EPAS1: variants seen among roughly 807,000 people sequenced by gnomAD.
EPAS1 encodes endothelial PAS domain-containing protein 1.
EPAS1 carries 23 observed loss-of-function variants against 87.9 expected under a neutral mutation model. The observed-to-expected ratio is 0.26, with a 90% CI of 0.19 to 0.37. The LOEUF (loss-of-function observed/expected upper bound fraction) is 0.37, where lower values mean the gene tolerates loss of function less well. Ranked by LOEUF, EPAS1 falls within the 10% of genes least tolerant of loss-of-function variation. The pLI is 1.00. For synonymous variants in EPAS1, 508 were observed against 444.3 expected, an observed-to-expected ratio of 1.14 and a Z score of -1.80; for missense variants, 1,138 against 1,120.7, an observed-to-expected ratio of 1.02 and a Z score of -0.22.
chr2:46,367,991 G>T (rs148074641), intron 6 of EPAS1, among the ~76,000 whole-genome samples: 2 of 152,310 alleles, frequency 1.3e-5, no homozygotes, highest in East Asian at 1.9e-4. Context: ...TAGTGCCCAG[G>T]TTCCTTAGCA....
chr2:46,328,544 C>G (rs937489355), intron 1 of EPAS1, among the ~76,000 whole-genome samples: 1 of 152,228 alleles, frequency 6.6e-6, no homozygotes, highest in Non-Finnish European at 1.5e-5. Context: ...TTATGACCTC[C>G]TGGCTTGAGA....
In EPAS1 at chr2:46,361,005, C is replaced by G. The variant is rs1373939478; in HGVS notation, c.694C>G (p.Pro232Ala). ...CATCATGTGTGAACCAATCCAGCAC[C>G]CATCCCACATGGACATCCCCCTGGA... ...LIIMCEPIQH[P>A]SHMDIPLDSK... The change falls in exon 6 of 16, where the codon CCA (proline) becomes GCA (alanine). Residue 232 changes from proline (P) to alanine (A), a missense_variant. By Grantham distance (27) the Pro-to-Ala change is conservative. Transcript: ENST00000263734. 6.2e-7 allele frequency: 1 copy of G among 1,614,166 alleles called. No individual in the cohort carries two copies. Among genetic ancestry groups the G allele is most frequent in the Non-Finnish European group, 8.5e-7 (1 of 1,180,030 alleles).
chr2:46,382,197 T>C (rs1465331176), intron 14 of EPAS1, 108 bp downstream of exon 14: 3 of 1,160,410 alleles, frequency 2.6e-6, no homozygotes, highest in Non-Finnish European at 3.8e-6. Context: ...CCTGCCTCTC[T>C]GAGCCTTGTT....
chr2:46,314,686 A>G (rs1322785001), intron 1 of EPAS1, among the ~76,000 whole-genome samples: 1 of 152,206 alleles, frequency 6.6e-6, no homozygotes, highest in Non-Finnish European at 1.5e-5. Context: ...CTGTTTTCAC[A>G]TGCTCCCTTA....
intron 6 of EPAS1, among the ~76,000 whole-genome samples, chr2:46,368,934 G>C (rs1006204674): frequency 3.9e-5 from 6 of 152,128 alleles, no homozygotes; most frequent in Non-Finnish European, 7.4e-5. Context: ...GTTTATTTTA[G>C]TGATTACAGC....
At chr2:46,382,359 G>C in intron 14 of EPAS1, 66 bp from the exon 15 acceptor site, 4 of 1,596,552 alleles carry the variant, frequency 2.5e-6, no homozygotes, top group Non-Finnish European at 3.4e-6. Context: ...AGGGATGCTA[G>C]GGCTTCCTGG....
intron 1 of EPAS1, among the ~76,000 whole-genome samples, chr2:46,323,497 A>G (rs775962681): frequency 6.6e-6 from 1 of 152,238 alleles, no homozygotes; most frequent in Non-Finnish European, 1.5e-5. Context: ...CCCAATAAAT[A>G]TTTATCATAC....
At chr2:46,349,187 G>T (rs1174743147) in intron 2 of EPAS1, among the ~76,000 whole-genome samples, 2 of 152,176 alleles carry the variant, frequency 1.3e-5, no homozygotes, top group Admixed American at 6.5e-5. Context: ...AAGCAGCTGG[G>T]GGCCAGCGTG....
rs1464756189 is a variant in EPAS1 at position 46,377,947 on chromosome 2, A to G, written c.1303A>G (p.Ser435Gly). The G allele has an allele frequency of 3.2e-6, 5 of 1,559,634 alleles. No homozygotes were observed. The East Asian group carries it at 1.2e-4, about 38-fold the overall frequency. The change falls in exon 10 of 16, where the codon AGC becomes GGC. Residue 435 changes from serine (S) to glycine (G), a missense_variant. Around this residue, in one of 4 missense-constraint regions of EPAS1, gnomAD observed 284 missense variants for 258.4 expected, o/e 1.10. Transcript: ENST00000263734. ...SAYGKAILPP[S>G]QPWATELRSH... ...CTATGGCAAGGCCATCCTGCCCCCGAGCCAGCCATGGGCCACGGAGTTGAG... is the reference window on the plus strand; with the variant it reads ...CTATGGCAAGGCCATCCTGCCCCCGGGCCAGCCATGGGCCACGGAGTTGAG...
At chr2:46,382,120 G>C in intron 14 of EPAS1, 31 bp downstream of exon 14, 1 of 1,601,102 alleles carries the variant, frequency 6.2e-7, no homozygotes, top group Non-Finnish European at 8.5e-7. Context: ...TGGGCCTCCT[G>C]GGGGTTCTGG....
chr2:46,309,860 G>A (rs897481475), intron 1 of EPAS1, among the ~76,000 whole-genome samples: 1 of 152,164 alleles, frequency 6.6e-6, no homozygotes, highest in Non-Finnish European at 1.5e-5. Flanking sequence ...CATGGGAGCA[G>A]TGCATGCCTC....
chr2:46,309,505 T>C (rs1683171795), intron 1 of EPAS1, among the ~76,000 whole-genome samples: 2 of 152,140 alleles, frequency 1.3e-5, no homozygotes, highest in South Asian at 4.1e-4. Flanking sequence ...TAAGGGTAAA[T>C]AGATCTTGTG....
At chr2:46,355,044 G>GT (rs1684243058) in intron 2 of EPAS1, among the ~76,000 whole-genome samples, 2 of 151,570 alleles carry the variant, frequency 1.3e-5, no homozygotes, top group South Asian at 4.2e-4. Flanking sequence ...CGACCCCCTC[G>GT]TCCTCTGACC....
chr2:46,337,895 C>T (rs1055124942), intron 1 of EPAS1, among the ~76,000 whole-genome samples: 1 of 152,112 alleles, frequency 6.6e-6, no homozygotes, highest in African/African-American at 2.4e-5. Flanking sequence ...CTTCTCCAAG[C>T]TGAGAACTAT....
At chr2:46,321,098 A>G (rs1309614719) in intron 1 of EPAS1, among the ~76,000 whole-genome samples, 1 of 152,248 alleles carries the variant, frequency 6.6e-6, no homozygotes. Context: ...GAATATGACT[A>G]TTCCAAGTAG....
In EPAS1 at chr2:46,384,763, T is replaced by C. The variant is rs1320791406; in HGVS notation, c.*103T>C. 3 of 1,471,346 alleles carry C rather than the reference T, an allele frequency of 2.0e-6. No homozygotes were observed. Among genetic ancestry groups the C allele is most frequent in the Non-Finnish European group, 2.8e-6 (3 of 1,087,262 alleles). The allele number at this position is 1,471,346 out of a possible 1,614,324, so 91.1% of individuals were successfully genotyped here. On this transcript the variant is annotated 3_prime_UTR_variant, in exon 16 of 16. Coordinates refer to ENST00000263734, the MANE Select transcript of EPAS1 (RefSeq NM_001430.5). ...AGGTATTTCTAACGCCAGCACACTATTTACAAGATGGACTTACCTGGCAGA... is the reference window on the plus strand; with the variant it reads ...AGGTATTTCTAACGCCAGCACACTACTTACAAGATGGACTTACCTGGCAGA...
rs139306346 is a variant in EPAS1 at position 46,356,184 on chromosome 2, A to C, written c.251A>C (p.Asp84Ala). Residue 84 changes from aspartate to alanine, a missense_variant, in exon 3 of 16, where the codon GAC becomes GCC. Physicochemically the swap from Asp to Ala is moderately radical, Grantham distance 126. Coordinates refer to ENST00000263734, the MANE Select transcript of EPAS1 (RefSeq NM_001430.5). Reference sequence around the variant, plus strand: ...GAAAACGAGTCCGAAGCCGAAGCTGACCAGCAGATGGACAACTTGTACCTG... The same window carrying C: ...GAAAACGAGTCCGAAGCCGAAGCTGCCCAGCAGATGGACAACTTGTACCTG... Reference protein sequence around the residue: ...CSENESEAEADQQMDNLYLKA... With the variant: ...CSENESEAEAAQQMDNLYLKA... The C allele has an allele frequency of 6.5e-7, 1 of 1,541,514 alleles. No homozygotes were observed. Among genetic ancestry groups the C allele is most frequent in the Non-Finnish European group, 8.8e-7 (1 of 1,133,156 alleles).
chr2:46,317,562 C>T (rs1307490284), intron 1 of EPAS1, among the ~76,000 whole-genome samples: 2 of 152,160 alleles, frequency 1.3e-5, no homozygotes, highest in African/African-American at 4.8e-5. Flanking sequence ...TTTTTAAGAA[C>T]CCTAGGACTT....
intron 7 of EPAS1, among the ~76,000 whole-genome samples, chr2:46,374,980 G>A (rs973816981): frequency 1.3e-5 from 2 of 152,156 alleles, no homozygotes; most frequent in Non-Finnish European, 2.9e-5. Flanking sequence ...AAGAGACTGT[G>A]TGTGGGCTGC....
Sources: gnomAD v4.1 joint callset for allele counts (sites outside exome capture counted in the v4.1 genomes callset) on GRCh38, gnomAD v4.1.1 for gene constraint, gnomAD v4.1.1 regional missense constraint, MANE v1.5 for transcripts, NCBI Gene and HGNC (gene_info 2026-07-23, HGNC 2026-07-21) for gene names.